The following CCNH variants were observed in gnomAD, a reference collection of about 807,000 sequenced individuals.
CCNH encodes the protein cyclin H.
Under a neutral mutation model 41.9 loss-of-function variants are expected in CCNH, and 31 were observed. The ratio of observed to expected loss-of-function variants is 0.74; its 90% CI spans 0.56 to 1.00. CCNH has a LOEUF of 1.00. Ranked by LOEUF, CCNH falls within the 50% of genes least tolerant of loss-of-function variation. The probability of loss-of-function intolerance (pLI) is 0.00; values close to 1 mark genes in which losing one functional copy is unlikely to be tolerated. For synonymous variants in CCNH, 138 were observed against 136.1 expected, an observed-to-expected ratio of 1.01 and a Z score of -0.10; for missense variants, 362 against 388.4, an observed-to-expected ratio of 0.93 and a Z score of 0.57.
At chr5:87,375,739 C>T (rs1336175018), downstream of CCNH, among the ~76,000 whole-genome samples, 1 of 152,134 alleles carries the variant, frequency 6.6e-6, no homozygotes, top group African/African-American at 2.4e-5. Flanking sequence ...TACCAGTTCA[C>T]ATCAGGGTGA....
At chr5:87,331,086 G>A (rs1402014131) in intron 9 of CCNH, 6 of 963,666 alleles carry the variant, frequency 6.2e-6, no homozygotes, top group Non-Finnish European at 9.0e-6. Context: ...CCTGGAAGTA[G>A]GGAGATGGGT....
At chr5:87,344,146 A>G (rs965060877) in intron 9 of CCNH, among the ~76,000 whole-genome samples, 1 of 152,162 alleles carries the variant, frequency 6.6e-6, no homozygotes, top group East Asian at 1.9e-4. Context: ...AATAAGATCT[A>G]ATTTACTGGA....
chr5:87,378,381 T>C (rs767453319), upstream of CCNH: 1 of 1,611,786 alleles, frequency 6.2e-7, no homozygotes, highest in Admixed American at 1.7e-5. Context: ...TCTTCTAATG[T>C]AAATATTTGT....
intron 6 of CCNH, among the ~76,000 whole-genome samples, 189 bp from the exon 7 acceptor site, chr5:87,399,694 A>C (rs901212789): frequency 1.3e-5 from 2 of 152,216 alleles, no homozygotes; most frequent in Non-Finnish European, 2.9e-5. Context: ...GTTTAGTTCA[A>C]GTAATTATGG....
At chr5:87,334,338 A>AT (rs1168632691) in intron 9 of CCNH, among the ~76,000 whole-genome samples, 1 of 152,136 alleles carries the variant, frequency 6.6e-6, no homozygotes, top group Non-Finnish European at 1.5e-5. Context: ...TTCCTCCTCC[A>AT]TTTTTTGTTC....
intron 9 of CCNH, among the ~76,000 whole-genome samples, chr5:87,339,558 C>T (rs1758288233): frequency 6.6e-6 from 1 of 151,992 alleles, no homozygotes; most frequent in Non-Finnish European, 1.5e-5. Flanking sequence ...TTCTTGAGCT[C>T]TTGGAATTCT....
In CCNH at chr5:87,356,151, C is replaced by T. The variant is rs540605470; in HGVS notation, c.*90+36619G>A. ...GCAAGAGGGTTTGGGAGGAATGCTT[C>T]CAGTTTTGAAAGAAGTTCAACTGTG... On this transcript the variant is annotated intron_variant and NMD_transcript_variant, in intron 9 of 9. Transcript: ENST00000645953. Among the ~76,000 whole-genome samples, 28 of 152,228 alleles carry T rather than the reference C, an allele frequency of 1.8e-4. No homozygotes were observed. The South Asian group carries it at 5.4e-3, about 29-fold the overall frequency.
chr5:87,376,218 A>C, downstream of CCNH: 1 of 715,094 alleles, frequency 1.4e-6, no homozygotes, highest in Non-Finnish European at 2.3e-6. Context: ...AGTTTAGTGC[A>C]CCGTAGACAC....
At chr5:87,375,042 T>C, downstream of CCNH, 1 of 1,262,794 alleles carries the variant, frequency 7.9e-7, no homozygotes, top group South Asian at 1.5e-5. Flanking sequence ...TTGAGATAGT[T>C]TCTTTCTGTA....
chr5:87,321,799 A>T (rs1756832544), intron 9 of CCNH, among the ~76,000 whole-genome samples: 1 of 152,158 alleles, frequency 6.6e-6, no homozygotes, highest in South Asian at 2.1e-4. Context: ...AATTTTCATG[A>T]CATCAGCACT....
downstream of CCNH, chr5:87,374,834 C>T (rs747122091): frequency 6.2e-7 from 1 of 1,608,394 alleles, no homozygotes; most frequent in South Asian, 1.1e-5. Context: ...CTCCTTGCTC[C>T]TTTAGTGATC....
intron 1 of CCNH, among the ~76,000 whole-genome samples, chr5:87,411,849 T>C (rs1421096596): frequency 1.3e-5 from 2 of 152,306 alleles, no homozygotes; most frequent in South Asian, 2.1e-4. Flanking sequence ...ATCAGTGATA[T>C]GAAATAGATG....
intron 7 of CCNH, among the ~76,000 whole-genome samples, chr5:87,397,961 C>CA (rs3093836): frequency 0.047 from 7,088 of 152,244 alleles, 330 homozygotes; most frequent in African/African-American, 0.12. Context: ...GTTCTAAAAA[C>CA]GCTAATGGGC....
chr5:87,378,214 C>CT (rs1333143139), upstream of CCNH, among the ~76,000 whole-genome samples: 25 of 152,160 alleles, frequency 1.6e-4, no homozygotes, highest in African/African-American at 4.3e-4. Context: ...ATATGAAAGT[C>CT]TTACAGAGTT....
intron 5 of CCNH, 58 bp from the exon 6 acceptor site, chr5:87,401,830 G>T: frequency 9.6e-7 from 1 of 1,040,884 alleles, no homozygotes; most frequent in East Asian, 2.6e-5. Context: ...GAGAAAACAT[G>T]ACATCATAAA....
At chr5:87,371,010 C>G (rs1227252375) in intron 9 of CCNH, among the ~76,000 whole-genome samples, 1 of 151,972 alleles carries the variant, frequency 6.6e-6, no homozygotes, top group Non-Finnish European at 1.5e-5. Flanking sequence ...AGGTAGTGCT[C>G]AAAACATTTT....
chr5:87,411,431 T>G, intron 1 of CCNH, 85 bp from the exon 2 acceptor site: 4 of 1,338,278 alleles, frequency 3.0e-6, no homozygotes, highest in South Asian at 1.5e-5. Flanking sequence ...TAGATTAAAT[T>G]TAGTTTATAT....
chr5:87,313,960 G>A (rs1165233514), downstream of CCNH, among the ~76,000 whole-genome samples: 1 of 151,994 alleles, frequency 6.6e-6, no homozygotes, highest in Non-Finnish European at 1.5e-5. Flanking sequence ...CTGAGGTCAG[G>A]AGTTTGAGAC....
chr5:87,374,805 C>T (rs374482244), downstream of CCNH: 12 of 1,600,842 alleles, frequency 7.5e-6, no homozygotes, highest in African/African-American at 1.5e-4. Context: ...GATGCCAAAA[C>T]ATTTTGTTAA....
Sources: gnomAD v4.1 joint callset for allele counts (sites outside exome capture counted in the v4.1 genomes callset) on GRCh38, gnomAD v4.1.1 for gene constraint, MANE v1.5 for transcripts, NCBI Gene and HGNC (gene_info 2026-07-23, HGNC 2026-07-21) for gene names.